The following HDAC9 variants were observed in gnomAD, a reference collection of about 807,000 sequenced individuals.
HDAC9 encodes histone deacetylase 9.
A neutral mutation model predicts 139.4 loss-of-function variants in HDAC9; 41 were observed. The ratio of observed to expected loss-of-function variants is 0.29; its 90% confidence interval spans 0.23 to 0.38. The LOEUF is 0.38. HDAC9 is among the 10% of genes least tolerant of loss of function. HDAC9 has a pLI of 1.00. For missense variants in HDAC9, 1,147 were observed against 1,297.0 expected (o/e 0.88, Z 1.78); for synonymous variants, 517 against 476.2 (o/e 1.09, Z -1.12).
At chr7:18,468,344 A>G (rs1283741732) in intron 1 of HDAC9, among the ~76,000 whole-genome samples, 1 of 152,162 alleles carries the variant, frequency 6.6e-6, no homozygotes, top group Non-Finnish European at 1.5e-5. Flanking sequence ...GTGTGGACAC[A>G]TGGATATTTA....
rs116841112 is a variant in HDAC9 at position 18,396,837 on chromosome 7, A to T, written c.-41-99425A>T. Reference sequence around the variant, plus strand: ...TCCTGATTCCTTGTTGCCGATTTTGATGGGTGAATTTACTTGGGTCAAAGG... The same window carrying T: ...TCCTGATTCCTTGTTGCCGATTTTGTTGGGTGAATTTACTTGGGTCAAAGG... On this transcript the variant is annotated intron_variant, in intron 1 of 3. Coordinates refer to the HDAC9 transcript ENST00000413509. Among the ~76,000 whole-genome samples the T allele has an allele frequency of 4.7e-4, 72 of 152,246 alleles. 2 individuals are homozygous for T. The East Asian group carries it at 9.5e-3, about 20-fold the overall frequency.
At chr7:18,784,889 AT>A in intron 16 of HDAC9, among the ~76,000 whole-genome samples, 1 of 151,932 alleles carries the variant, frequency 6.6e-6, no homozygotes. Context: ...TGAACCCAAC[AT>A]TCTCATGAAC....
At chr7:18,352,772 T>TC (rs1782950395) in intron 1 of HDAC9, among the ~76,000 whole-genome samples, 3 of 152,044 alleles carry the variant, frequency 2.0e-5, no homozygotes, top group African/African-American at 4.8e-5. Context: ...TTTGTTTTTT[T>TC]CCCCCCTTTT....
At chr7:18,435,630 GGTTT>G (rs1791124474) in intron 1 of HDAC9, among the ~76,000 whole-genome samples, 1 of 151,240 alleles carries the variant, frequency 6.6e-6, no homozygotes, top group African/African-American at 2.4e-5. Context: ...TACATGTGCA[GGTTT>G]GTTATGTAGG....
chr7:18,707,863 G>GTGTGTGTC (rs1784055509), intron 12 of HDAC9, among the ~76,000 whole-genome samples: 1 of 151,786 alleles, frequency 6.6e-6, no homozygotes, highest in Admixed American at 6.6e-5. Context: ...GAGTGTGTGT[G>GTGTGTGTC]TGTGTGTGTG....
In HDAC9 at chr7:18,585,592, T is replaced by C. The variant is rs1829229552; in HGVS notation, c.264+70T>C. On this transcript the variant is annotated intron_variant, in intron 3 of 25. Transcript: ENST00000686413. ...CCGTGGTGGGCATGAACAGTGCCCATGGGAACACTTTGCGGGTAGATTCAC... is the reference window on the plus strand; with the variant it reads ...CCGTGGTGGGCATGAACAGTGCCCACGGGAACACTTTGCGGGTAGATTCAC... 5.2e-6 allele frequency: 8 copies of C among 1,545,940 alleles called. No individual in the cohort carries two copies. The East Asian group carries it at 1.6e-4, about 30-fold the overall frequency.
At chr7:18,638,637 C>T (rs1410664066) in intron 8 of HDAC9, among the ~76,000 whole-genome samples, 6 of 152,006 alleles carry the variant, frequency 3.9e-5, no homozygotes, top group Non-Finnish European at 8.8e-5. Flanking sequence ...TTGTGAAGTT[C>T]GGAACAAGTT....
intron 1 of HDAC9, among the ~76,000 whole-genome samples, chr7:18,394,183 C>T (rs1287463811): frequency 6.6e-6 from 1 of 152,092 alleles, no homozygotes; most frequent in East Asian, 1.9e-4. Context: ...TAGAAAGAGG[C>T]TATCCTTTAC....
intron 13 of HDAC9, among the ~76,000 whole-genome samples, chr7:18,748,053 T>C (rs933304260): frequency 1.3e-5 from 2 of 152,228 alleles, no homozygotes; most frequent in Non-Finnish European, 2.9e-5. Context: ...GGAAGACATT[T>C]GATTTGTTAA....
chr7:18,383,797 G>A (rs760579101), intron 1 of HDAC9, among the ~76,000 whole-genome samples: 4 of 151,368 alleles, frequency 2.6e-5, no homozygotes, highest in Non-Finnish European at 5.9e-5. Flanking sequence ...GCTGAGGCAG[G>A]AGAATGGCGT....
At chr7:18,793,582 G>T (rs1022517405) in intron 17 of HDAC9, 130 bp downstream of exon 17, 1 of 686,496 alleles carries the variant, frequency 1.5e-6, no homozygotes, top group African/African-American at 1.8e-5. Flanking sequence ...GGTAGAGATG[G>T]CCACTAAGGT....
chr7:18,980,758 CCTTCTT>C (rs146276589), intron 25 of HDAC9, among the ~76,000 whole-genome samples: 26 of 141,024 alleles, frequency 1.8e-4, no homozygotes, highest in African/African-American at 6.6e-4. Flanking sequence ...TCTTCTTCTT[CCTTCTT>C]CTTCTTCTTC....
chr7:18,501,743 T>G (rs569708727), intron 2 of HDAC9, among the ~76,000 whole-genome samples: 1 of 152,310 alleles, frequency 6.6e-6, no homozygotes, highest in East Asian at 1.9e-4. Context: ...GCATCATACC[T>G]CTTTACAGTG....
chr7:18,945,692 G>A (rs908146563), intron 23 of HDAC9, among the ~76,000 whole-genome samples: 3 of 152,040 alleles, frequency 2.0e-5, no homozygotes, highest in Non-Finnish European at 2.9e-5. Flanking sequence ...TAGAGGTCAG[G>A]TTTGTTTGTT....
chr7:18,231,298 G>C (rs891982126), intron 2 of HDAC9, among the ~76,000 whole-genome samples: 2 of 152,214 alleles, frequency 1.3e-5, no homozygotes, highest in African/African-American at 2.4e-5. Context: ...AGTTGTGGAA[G>C]ATTTTCCATT....
intron 24 of HDAC9, among the ~76,000 whole-genome samples, chr7:18,958,539 A>G (rs1048394173): frequency 2.0e-5 from 3 of 152,182 alleles, no homozygotes; most frequent in Non-Finnish European, 4.4e-5. Context: ...CAGACCTACA[A>G]AAGGAAATTC....
At chr7:18,153,460 A>G (rs1349085994) in intron 1 of HDAC9, among the ~76,000 whole-genome samples, 1 of 152,204 alleles carries the variant, frequency 6.6e-6, no homozygotes, top group African/African-American at 2.4e-5. Context: ...GTGACCAATC[A>G]GAGGCTGAAG....
At chr7:18,149,776 G>A (rs1584336764) in intron 1 of HDAC9, among the ~76,000 whole-genome samples, 1 of 151,856 alleles carries the variant, frequency 6.6e-6, no homozygotes, top group African/African-American at 2.4e-5. Context: ...GGATGGTCTC[G>A]ATCTCCTGAC....
At chr7:18,807,797 G>T (rs147213139) in intron 17 of HDAC9, among the ~76,000 whole-genome samples, 1 of 152,090 alleles carries the variant, frequency 6.6e-6, no homozygotes. Flanking sequence ...TACTTGGTGT[G>T]ATTTCAGTCT....
Sources: gnomAD v4.1 joint callset for allele counts (sites outside exome capture counted in the v4.1 genomes callset) on GRCh38, gnomAD v4.1.1 for gene constraint, MANE v1.5 for transcripts, NCBI Gene and HGNC (gene_info 2026-07-23, HGNC 2026-07-21) for gene names.